The following LTBP1 variants were observed in gnomAD, a reference collection of about 807,000 sequenced individuals.
LTBP1 encodes the protein latent transforming growth factor beta binding protein 1, also known as latent-transforming growth factor beta-binding protein 1.
Under a neutral mutation model 207.6 loss-of-function variants are expected in LTBP1, and 129 were observed. That is an observed-to-expected ratio of 0.62 (90% CI 0.54 to 0.72). The LOEUF (loss-of-function observed/expected upper bound fraction) is 0.72. Ranked by LOEUF, LTBP1 falls within the 30% of genes least tolerant of loss-of-function variation. LTBP1 has a pLI of 0.00. For synonymous variants in LTBP1, 963 were observed against 833.7 expected (o/e 1.16, Z -2.67); for missense variants, 2,281 against 2,217.2 (o/e 1.03, Z -0.58).
rs576275563 is a variant in LTBP1 at position 33,028,184 on chromosome 2, G to A, written c.863+6978G>A. 6.6e-5 allele frequency among the ~76,000 whole-genome samples: 10 copies of A among 152,274 alleles called. No homozygotes were observed. The South Asian group carries it at 1.7e-3, about 25-fold the overall frequency. ...CCTCACACTTCTGCTCACACCGCTG[G>A]GTCTGGTGGAAACTCAAAGTTTGTA... On this transcript the variant is annotated intron_variant, in intron 3 of 33. Coordinates refer to ENST00000404816, the MANE Select transcript of LTBP1 (RefSeq NM_206943.4).
intron 7 of LTBP1, among the ~76,000 whole-genome samples, chr2:33,208,799 G>T (rs978215275): frequency 2.6e-5 from 4 of 151,696 alleles, no homozygotes; most frequent in African/African-American, 4.8e-5. Context: ...TCAGTTTGCA[G>T]TTGAGTTTGT....
intron 7 of LTBP1, among the ~76,000 whole-genome samples, chr2:33,202,322 C>T (rs1000822140): frequency 3.3e-5 from 5 of 152,080 alleles, no homozygotes; most frequent in African/African-American, 1.2e-4. Context: ...CTGCCAACTC[C>T]ACATGGGAGA....
intron 18 of LTBP1, among the ~76,000 whole-genome samples, chr2:33,277,334 A>G (rs2093446319): frequency 6.6e-6 from 1 of 152,116 alleles, no homozygotes; most frequent in South Asian, 2.1e-4. Context: ...CAGAACAAGC[A>G]CAGGTGTAAA....
intron 9 of LTBP1, among the ~76,000 whole-genome samples, chr2:33,232,776 A>T (rs997982529): frequency 2.6e-5 from 4 of 152,166 alleles, no homozygotes; most frequent in Non-Finnish European, 5.9e-5. Context: ...TCTTTAACAG[A>T]TCCTTTAGTG....
intron 25 of LTBP1, among the ~76,000 whole-genome samples, chr2:33,347,116 T>TTA: frequency 1.9e-5 from 1 of 52,524 alleles, no homozygotes; most frequent in Middle Eastern, 0.016. Context: ...AGACTCCGTC[T>TTA]CAAAAAAAAA....
At chr2:33,120,301 G>T (rs2081030166) in intron 4 of LTBP1, among the ~76,000 whole-genome samples, 1 of 151,736 alleles carries the variant, frequency 6.6e-6, no homozygotes, top group South Asian at 2.1e-4. Context: ...ATTAAGCCCA[G>T]TACCGTAGTT....
intron 2 of LTBP1, among the ~76,000 whole-genome samples, chr2:32,955,692 T>C (rs574308848): frequency 6.6e-6 from 1 of 152,304 alleles, no homozygotes; most frequent in African/African-American, 2.4e-5. Flanking sequence ...ATCAGGGTCA[T>C]GTTTTTAAAA....
intron 3 of LTBP1, chr2:33,061,451 A>T (rs1558581174): frequency 6.6e-6 from 1 of 152,150 alleles, no homozygotes; most frequent in East Asian, 1.9e-4. Flanking sequence ...CTTGGCCAGT[A>T]TCTAAGTTAT....
intron 2 of LTBP1, among the ~76,000 whole-genome samples, chr2:32,959,890 G>A (rs967800630): frequency 5.9e-5 from 9 of 151,322 alleles, no homozygotes; most frequent in African/African-American, 1.9e-4. Context: ...CAGAGTACTG[G>A]GATTACAGGT....
intron 3 of LTBP1, among the ~76,000 whole-genome samples, chr2:33,052,762 T>A (rs930936280): frequency 4.6e-5 from 7 of 152,232 alleles, no homozygotes; most frequent in Admixed American, 1.3e-4. Context: ...TACCTTAGCC[T>A]CATTTGTTTT....
chr2:33,358,339 G>A (rs772841581), intron 26 of LTBP1, among the ~76,000 whole-genome samples: 1 of 151,834 alleles, frequency 6.6e-6, no homozygotes, highest in South Asian at 2.1e-4. Context: ...TATGATGTGA[G>A]TGTAACAAAC....
intron 3 of LTBP1, among the ~76,000 whole-genome samples, chr2:33,107,152 G>C (rs1455262071): frequency 2.0e-5 from 3 of 152,224 alleles, no homozygotes; most frequent in Non-Finnish European, 4.4e-5. Context: ...GCTTAGAAGA[G>C]AACACGTCAG....
intron 3 of LTBP1, among the ~76,000 whole-genome samples, chr2:33,095,801 G>C (rs2079351830): frequency 6.6e-6 from 1 of 152,048 alleles, no homozygotes; most frequent in Non-Finnish European, 1.5e-5. Context: ...TGGCCTTGAA[G>C]ATAGATCAAT....
intron 3 of LTBP1, among the ~76,000 whole-genome samples, chr2:33,036,241 G>A (rs1354379678): frequency 6.6e-6 from 1 of 152,158 alleles, no homozygotes. Flanking sequence ...CTGGGGAGGG[G>A]TGGAGAATTT....
chr2:33,220,447 T>C (rs765631964), intron 8 of LTBP1, among the ~76,000 whole-genome samples: 15 of 152,246 alleles, frequency 9.9e-5, no homozygotes, highest in Non-Finnish European at 2.1e-4. Context: ...TGATCATTTT[T>C]TTTGCTGTGA....
At chr2:33,207,053 A>G (rs748286053) in intron 7 of LTBP1, among the ~76,000 whole-genome samples, 6 of 152,226 alleles carry the variant, frequency 3.9e-5, no homozygotes, top group Admixed American at 1.3e-4. Context: ...ACTTAAGAGC[A>G]AAACACACAT....
chr2:33,277,813 T>TCTCTCTCTCTCTC (rs1558933843), intron 18 of LTBP1, among the ~76,000 whole-genome samples: 2 of 71,734 alleles, frequency 2.8e-5, no homozygotes, highest in Non-Finnish European at 5.6e-5. Context: ...CTCTTTCTTT[T>TCTCTCTCTCTCTC]TTTCTTTCTT....
At chr2:33,058,504 CT>C in intron 3 of LTBP1, among the ~76,000 whole-genome samples, 2 of 152,270 alleles carry the variant, frequency 1.3e-5, no homozygotes, top group Middle Eastern at 6.8e-3. Flanking sequence ...CCTGTTTTCC[CT>C]TTTTCTCCCC....
chr2:33,061,087 G>T (rs1033927340), intron 3 of LTBP1, among the ~76,000 whole-genome samples: 7 of 152,198 alleles, frequency 4.6e-5, no homozygotes, highest in African/African-American at 1.4e-4. Context: ...TAAGGCAATT[G>T]AAGTATTTAT....
Sources: gnomAD v4.1 joint callset for allele counts (sites outside exome capture counted in the v4.1 genomes callset) on GRCh38, gnomAD v4.1.1 for gene constraint, MANE v1.5 for transcripts, NCBI Gene and HGNC (gene_info 2026-07-23, HGNC 2026-07-21) for gene names.